Variants in DCBLD2 observed in about 807,000 individuals in gnomAD.
DCBLD2 encodes the protein discoidin, CUB and LCCL domain-containing protein 2.
DCBLD2 carries 54 observed loss-of-function variants against 86.8 expected under a neutral mutation model. The observed-to-expected ratio is 0.62, with a 90% CI of 0.50 to 0.78. The LOEUF (loss-of-function observed/expected upper bound fraction) is 0.78, where lower values mean the gene tolerates loss of function less well. Ranked by LOEUF, DCBLD2 falls within the 30% of genes least tolerant of loss-of-function variation. DCBLD2 has a pLI of 0.00. For missense variants in DCBLD2, 908 were observed against 954.2 expected (o/e 0.95, Z 0.64); for synonymous variants, 354 against 341.3 (o/e 1.04, Z -0.41).
At chr3:98,867,615 T>A (rs900704611) in intron 2 of DCBLD2, among the ~76,000 whole-genome samples, 2 of 152,184 alleles carry the variant, frequency 1.3e-5, no homozygotes, top group African/African-American at 4.8e-5. Context: ...TCAACACATA[T>A]CCTTAGAAAA....
At position 98,812,410 on chromosome 3, in the gene DCBLD2, T is replaced by C; in HGVS notation, c.1285A>G (p.Ile429Val). The C allele has an allele frequency of 6.2e-7, 1 of 1,613,554 alleles. No homozygotes were observed. Among genetic ancestry groups the C allele is most frequent in the Non-Finnish European group, 8.5e-7 (1 of 1,179,656 alleles). The change falls in exon 10 of 16, where the codon ATT becomes GTT. Residue 429 changes from isoleucine (I) to valine (V), a missense_variant. Transcript: ENST00000326840. Reference protein sequence around the residue: ...NFLPPIIARFIRVNPTQWQQK... With the variant: ...NFLPPIIARFVRVNPTQWQQK... ...TGCCATTGGGTAGGATTCACTCTAA[T>C]AAAACGTGCAATAATTGGTGGCAAA... is the stretch of plus-strand genomic sequence containing the variant.
intron 4 of DCBLD2, among the ~76,000 whole-genome samples, chr3:98,823,402 C>G (rs1008579367): frequency 1.3e-5 from 2 of 152,228 alleles, no homozygotes; most frequent in African/African-American, 2.4e-5. Context: ...TACCAACCCT[C>G]TATTGATCCA....
chr3:98,816,008 T>A (rs1942015284), intron 9 of DCBLD2: 1 of 145,928 alleles, frequency 6.9e-6, no homozygotes, highest in Non-Finnish European at 1.5e-5. Flanking sequence ...AATCATAACC[T>A]ACAGATCCAA....
At chr3:98,804,792 T>A (rs920652313) in intron 13 of DCBLD2, among the ~76,000 whole-genome samples, 1 of 152,236 alleles carries the variant, frequency 6.6e-6, no homozygotes, top group Non-Finnish European at 1.5e-5. Flanking sequence ...TGCCTTCATT[T>A]CATTATGTAC....
At chr3:98,806,573 T>TA (rs1184121669) in intron 13 of DCBLD2, among the ~76,000 whole-genome samples, 3 of 152,042 alleles carry the variant, frequency 2.0e-5, no homozygotes, top group African/African-American at 7.3e-5. Context: ...TGGCTGGTGT[T>TA]ACAGCTGGGA....
intron 3 of DCBLD2, among the ~76,000 whole-genome samples, chr3:98,829,114 T>C (rs1169658595): frequency 6.6e-6 from 1 of 152,184 alleles, no homozygotes; most frequent in African/African-American, 2.4e-5. Context: ...CAACTCTAAA[T>C]ACACTGAAAA....
chr3:98,836,686 C>T (rs1490627137), intron 3 of DCBLD2, among the ~76,000 whole-genome samples: 1 of 108,112 alleles, frequency 9.2e-6, no homozygotes, highest in Non-Finnish European at 2.1e-5. Context: ...CAGAGGCGCC[C>T]ATCACCTCCC....
In DCBLD2 at chr3:98,834,137, GTTTTC is replaced by G. The variant is rs1411293243; in HGVS notation, c.572-8776_572-8772del. Among the ~76,000 whole-genome samples, 680 of 69,460 alleles carry G rather than the reference GTTTTC, an allele frequency of 9.8e-3. 2 individuals are homozygous for G. Among genetic ancestry groups the G allele is most frequent in the African/African-American group, 0.029 (653 of 22,214 alleles). 45.6% of individuals were successfully genotyped at this position (69,460 alleles called of 152,430 possible). On this transcript the variant is annotated intron_variant, in intron 3 of 15. Coordinates refer to ENST00000326840, the MANE Select transcript of DCBLD2 (RefSeq NM_080927.4). Reference sequence around the variant, plus strand: ...TTTTCCATTCTCTGTGAGTAGAGTTGTTTTCTTTTTTTTTTTTTTTTTTGTTTTAA... The same window carrying G: ...TTTTCCATTCTCTGTGAGTAGAGTTGTTTTTTTTTTTTTTTTTTGTTTTAA...
chr3:98,858,454 G>A (rs902191677), intron 2 of DCBLD2, among the ~76,000 whole-genome samples: 1 of 152,250 alleles, frequency 6.6e-6, no homozygotes, highest in African/African-American at 2.4e-5. Context: ...AGCGAGCGAG[G>A]CCTGCGAGGG....
intron 1 of DCBLD2, among the ~76,000 whole-genome samples, chr3:98,900,208 C>T (rs2470883): frequency 0.97 from 147,957 of 152,282 alleles, 72,038 homozygotes; most frequent in East Asian, 1. Flanking sequence ...GGCTTAAAGG[C>T]AGAGAACAAT....
chr3:98,836,661 G>C (rs1373458443), intron 3 of DCBLD2, among the ~76,000 whole-genome samples: 1 of 124,110 alleles, frequency 8.1e-6, no homozygotes, highest in Non-Finnish European at 1.8e-5. Context: ...TCACTTCCCA[G>C]TAGGGGCGGC....
At chr3:98,820,809 A>G (rs1019021574) in intron 6 of DCBLD2, 7 of 150,702 alleles carry the variant, frequency 4.6e-5, no homozygotes, top group African/African-American at 1.7e-4. Flanking sequence ...ATCTCATGGA[A>G]GAAGTTTCAG....
chr3:98,830,636 G>A (rs1942302475), intron 3 of DCBLD2, among the ~76,000 whole-genome samples: 1 of 152,314 alleles, frequency 6.6e-6, no homozygotes, highest in Admixed American at 6.5e-5. Flanking sequence ...TTTGGTTACT[G>A]TAGCCCTGCA....
chr3:98,854,085 G>A (rs1243030972), intron 2 of DCBLD2, among the ~76,000 whole-genome samples: 1 of 152,094 alleles, frequency 6.6e-6, no homozygotes, highest in Non-Finnish European at 1.5e-5. Context: ...TGAATATCCA[G>A]GCACTAAGCC....
intron 3 of DCBLD2, among the ~76,000 whole-genome samples, chr3:98,847,074 G>A (rs1196684991): frequency 6.6e-6 from 1 of 152,110 alleles, no homozygotes; most frequent in Non-Finnish European, 1.5e-5. Context: ...TTAAAGGACG[G>A]TAATCCATTA....
At chr3:98,870,032 GC>G (rs1194076361) in intron 2 of DCBLD2, among the ~76,000 whole-genome samples, 1 of 152,232 alleles carries the variant, frequency 6.6e-6, no homozygotes, top group African/African-American at 2.4e-5. Context: ...GGTAAATGAT[GC>G]AGCCGCAAGT....
intron 13 of DCBLD2, among the ~76,000 whole-genome samples, chr3:98,802,565 C>A (rs552186508): frequency 1.5e-4 from 23 of 152,136 alleles, no homozygotes; most frequent in African/African-American, 5.1e-4. Flanking sequence ...TTAATTAGAT[C>A]CCATTTGTCA....
intron 2 of DCBLD2, among the ~76,000 whole-genome samples, chr3:98,880,598 T>C (rs1943448356): frequency 6.6e-6 from 1 of 152,204 alleles, no homozygotes; most frequent in South Asian, 2.1e-4. Context: ...TGTTTACTAC[T>C]TAGGTGGCTC....
At chr3:98,864,776 C>A (rs1943112135) in intron 2 of DCBLD2, among the ~76,000 whole-genome samples, 1 of 152,066 alleles carries the variant, frequency 6.6e-6, no homozygotes, top group South Asian at 2.1e-4. Context: ...ATGGGTGCAG[C>A]ATACCAACAT....
Sources: gnomAD v4.1 joint callset for allele counts (sites outside exome capture counted in the v4.1 genomes callset) on GRCh38, gnomAD v4.1.1 for gene constraint, MANE v1.5 for transcripts, NCBI Gene and HGNC (gene_info 2026-07-23, HGNC 2026-07-21) for gene names.